SHE: variants seen among roughly 807,000 people sequenced by gnomAD.
SHE encodes Src homology 2 domain containing E.
In SHE, 11 loss-of-function variants were observed where a neutral mutation model predicts 49.8. That is an observed-to-expected ratio of 0.22 (90% CI 0.14 to 0.37). SHE has a LOEUF of 0.37. SHE is among the 10% of genes least tolerant of loss of function. The pLI is 1.00. For missense variants in SHE, 624 were observed against 655.5 expected, an observed-to-expected ratio of 0.95 and a Z score of 0.52; for synonymous variants, 310 against 278.1, an observed-to-expected ratio of 1.11 and a Z score of -1.14.
At chr1:154,478,052 T>A (rs1691925670), downstream of SHE, among the ~76,000 whole-genome samples, 1 of 152,162 alleles carries the variant, frequency 6.6e-6, no homozygotes. Context: ...AGTATTTGTC[T>A]TTTTGTGACT....
In SHE at chr1:154,473,144, A is replaced by G. The variant is rs558094579; in HGVS notation, c.103-2782T>C. The stretch of plus-strand genomic sequence containing the variant: ...CTCCCGAGTAGCTGGGATTACAGGC[A>G]TGTGCCACCATGCTCGGCTAATTTT... On this transcript the variant is annotated intron_variant, in intron 1 of 1. Transcript: ENST00000486773. Among the ~76,000 whole-genome samples the G allele has an allele frequency of 2.9e-4, 44 of 151,828 alleles. No individual in the cohort carries two copies. The South Asian group carries it at 5.6e-3, about 19-fold the overall frequency.
At chr1:154,490,822 AATT>A (rs969577870) in intron 2 of SHE, among the ~76,000 whole-genome samples, 9 of 151,826 alleles carry the variant, frequency 5.9e-5, no homozygotes, top group African/African-American at 2.2e-4. Context: ...GGGGAATAAC[AATT>A]ATATTTGTGT....
intron 1 of SHE, among the ~76,000 whole-genome samples, chr1:154,471,798 C>T (rs191344551): frequency 6.6e-6 from 1 of 152,066 alleles, no homozygotes; most frequent in African/African-American, 2.4e-5. Flanking sequence ...AATAAAGCTG[C>T]CCAATGTCCT....
rs534558364 is a variant in SHE, at chr1:154,470,295, C to G, written c.*46G>C. 27 of 1,288,492 alleles carry G rather than the reference C, an allele frequency of 2.1e-5. No homozygotes were observed. In the East Asian group the frequency reaches 1.2e-3, roughly 56 times the overall value. 79.8% of individuals were successfully genotyped at this position (1,288,492 alleles called of 1,614,324 possible). Reference sequence around the variant, plus strand: ...GGGAGCTGCCTCCCTTTCTTCATGGCATTGCTGTTAGGATGACATGGTTAC... The same window carrying G: ...GGGAGCTGCCTCCCTTTCTTCATGGGATTGCTGTTAGGATGACATGGTTAC... On this transcript the variant is annotated 3_prime_UTR_variant, in exon 2 of 2. Transcript: ENST00000486773.
chr1:154,481,553 G>T lies in SHE; in HGVS notation c.*2596C>A, dbSNP rs1368323684. 3.0e-6 allele frequency: 3 copies of T among 985,332 alleles called. No homozygotes were observed. The highest frequency in any genetic ancestry group is 3.6e-6 in the Non-Finnish European group (3 of 829,918). 61.0% of individuals were successfully genotyped at this position (985,332 alleles called of 1,614,324 possible). On this transcript the variant is annotated 3_prime_UTR_variant, in exon 6 of 6. Transcript: ENST00000304760. ...TACATTCATCACAGTTGCTGGGTATGGGCCAAAAATCATTTAGTGCACAAA... is the reference window on the plus strand; with the variant it reads ...TACATTCATCACAGTTGCTGGGTATTGGCCAAAAATCATTTAGTGCACAAA...
rs1004112908 is a variant in SHE, at chr1:154,482,462, G to A, written c.*1687C>T. The A allele has an allele frequency of 2.0e-6, 2 of 985,250 alleles. No homozygotes were observed. Among genetic ancestry groups the A allele is most frequent in the South Asian group, 4.7e-5 (1 of 21,280 alleles). The allele number at this position is 985,250 out of a possible 1,614,324, so 61.0% of individuals were successfully genotyped here. A position where few individuals can be genotyped will look rare whatever the true frequency, so the allele number is the denominator to read the frequency against. On this transcript the variant is annotated 3_prime_UTR_variant, in exon 6 of 6. Transcript: ENST00000304760. ...TAACCTCTAAATCTTACAGTCAAATGTAACTAGTAACTACAAAGGTATACT... is the reference window on the plus strand; with the variant it reads ...TAACCTCTAAATCTTACAGTCAAATATAACTAGTAACTACAAAGGTATACT...
rs1229927659 is a variant in SHE, at chr1:154,480,054, G to A, written c.*4095C>T. ...TCTCTCTTCACACAGGGTCAGCGGT[G>A]GAGGGTAAGTTGAACAGAAGGCCCA... is the stretch of plus-strand genomic sequence containing the variant. On this transcript the variant is annotated 3_prime_UTR_variant, in exon 6 of 6. Transcript: ENST00000304760. 4 of 985,380 alleles carry A rather than the reference G, an allele frequency of 4.1e-6. No homozygotes were observed. In the Admixed American group the frequency reaches 2.5e-4, roughly 61 times the overall value. The allele number at this position is 985,380 out of a possible 1,614,324, so 61.0% of individuals were successfully genotyped here.
chr1:154,487,927 T>C (rs1047311880), intron 3 of SHE, among the ~76,000 whole-genome samples: 5 of 151,268 alleles, frequency 3.3e-5, no homozygotes, highest in African/African-American at 1.2e-4. Context: ...CTTCACCCTT[T>C]ACATTGGTTA....
intron 2 of SHE, among the ~76,000 whole-genome samples, chr1:154,490,528 G>T (rs555808282): frequency 1.3e-5 from 2 of 152,338 alleles, no homozygotes; most frequent in African/African-American, 4.8e-5. Context: ...AGAAATGGAA[G>T]ATGAGTTGAC....
chr1:154,502,071 G>C lies in SHE; in HGVS notation c.-45C>G, dbSNP rs1025820423. On this transcript the variant is annotated 5_prime_UTR_variant, in exon 1 of 6. Transcript: ENST00000304760. ...GGAGGCCGCGGCGAGGCCCCGCGAC[G>C]GCTGCTCCGTGCGCCCCCGGCCGGC... The C allele has an allele frequency of 4.4e-5, 55 of 1,236,684 alleles. 1 individual carries two copies. In the South Asian group the frequency reaches 4.8e-4, roughly 11 times the overall value. The allele number at this position is 1,236,684 out of a possible 1,614,324, so 76.6% of individuals were successfully genotyped here. A position where few individuals can be genotyped will look rare whatever the true frequency, so the allele number is the denominator to read the frequency against.
chr1:154,501,285 A>T, intron 1 of SHE, 151 bp downstream of exon 1: 1 of 742,144 alleles, frequency 1.3e-6, no homozygotes, highest in Non-Finnish European at 2.3e-6. Flanking sequence ...TAAGAATTTT[A>T]AATGGTCAGG....
At chr1:154,490,919 T>C (rs1329356457) in intron 2 of SHE, among the ~76,000 whole-genome samples, 1 of 151,474 alleles carries the variant, frequency 6.6e-6, no homozygotes, top group Non-Finnish European at 1.5e-5. Context: ...TAAAAATAGA[T>C]GGAAAAAACC....
chr1:154,472,319 CGT>C (rs1245057728), intron 1 of SHE, among the ~76,000 whole-genome samples: 1 of 152,212 alleles, frequency 6.6e-6, no homozygotes, highest in Non-Finnish European at 1.5e-5. Context: ...ACGCAGGCAG[CGT>C]GTTTTCCTGC....
At position 154,479,562 on chromosome 1, in the gene SHE, G is replaced by A; in HGVS notation, c.*4587C>T. The A allele has an allele frequency of 1.0e-6, 1 of 982,474 alleles. No homozygotes were observed. The highest frequency in any genetic ancestry group is 1.2e-6 in the Non-Finnish European group (1 of 827,248). The allele number at this position is 982,474 out of a possible 1,614,324, so 60.9% of individuals were successfully genotyped here. A position where few individuals can be genotyped will look rare whatever the true frequency, so the allele number is the denominator to read the frequency against. ...GGGCATGAAGCCTATATTGGCTACT[G>A]CAAAACAACCAGAAGTTTTATAAAA... On this transcript the variant is annotated 3_prime_UTR_variant, in exon 6 of 6. Transcript: ENST00000304760.
chr1:154,488,472 C>T (rs904342179), intron 3 of SHE, among the ~76,000 whole-genome samples: 3 of 151,852 alleles, frequency 2.0e-5, no homozygotes, highest in Admixed American at 6.6e-5. Flanking sequence ...TTGGCCAGGC[C>T]GGTCTTGAAC....
At chr1:154,485,394 AG>A in intron 5 of SHE, 1 of 153,460 alleles carries the variant, frequency 6.5e-6, no homozygotes, top group Middle Eastern at 3.4e-3. Flanking sequence ...GAACTCACGG[AG>A]CAGTGAGAAT....
chr1:154,484,290 G>T lies in SHE; in HGVS notation c.1347C>A (p.Asp449Glu). Residue 449 changes from aspartate to glutamate, a missense_variant, in exon 6 of 6, where the codon GAC (aspartate) becomes GAA (glutamate). By Grantham distance (45) the Asp-to-Glu change is conservative (BLOSUM62 2). Coordinates refer to ENST00000304760, the MANE Select transcript of SHE (RefSeq NM_001010846.3). ...TTGTCTGATTCAGTGTGTATTTGTT[G>T]TCTTTGGTCTGAGCCACTATGATGT... is the stretch of plus-strand genomic sequence containing the variant. ...CVHIIVAQTKDNKYTLNQTSA... is the reference protein window; with the variant it reads ...CVHIIVAQTKENKYTLNQTSA... 6.2e-7 allele frequency: 1 copy of T among 1,614,188 alleles called. No homozygotes were observed. The highest frequency in any genetic ancestry group is 8.5e-7 in the Non-Finnish European group (1 of 1,180,032).
chr1:154,488,678 T>C (rs1571051538), intron 3 of SHE, among the ~76,000 whole-genome samples: 1 of 152,138 alleles, frequency 6.6e-6, no homozygotes, highest in South Asian at 2.1e-4. Context: ...CCTCCGCCTC[T>C]TGAGTTCAAG....
rs778528961 is a variant in SHE, at chr1:154,489,369, C to T, written c.719-13G>A. On this transcript the variant is annotated splice_polypyrimidine_tract_variant and intron_variant, in intron 2 of 5. Transcript: ENST00000304760. ...CGTCGTCTAATTTCTGAAAAACACACACCATTTCTGAAAAACACACACCAT... is the reference window on the plus strand; with the variant it reads ...CGTCGTCTAATTTCTGAAAAACACATACCATTTCTGAAAAACACACACCAT... 5.6e-6 allele frequency: 9 copies of T among 1,607,824 alleles called. No homozygotes were observed. In the East Asian group the frequency reaches 1.3e-4, roughly 24 times the overall value.
Sources: allele counts gnomAD v4.1 joint callset (sites outside exome capture counted in the v4.1 genomes callset), GRCh38; gene constraint gnomAD v4.1.1; transcripts MANE v1.5; gene names NCBI Gene and HGNC (gene_info 2026-07-23, HGNC 2026-07-21).